The following SCRN3 variants were observed in gnomAD, a reference collection of about 807,000 sequenced individuals.
The protein encoded by SCRN3 is secernin-3.
A neutral mutation model predicts 43.1 loss-of-function variants in SCRN3; 39 were observed. The observed-to-expected ratio is 0.91, with a 90% CI of 0.70 to 1.18. The LOEUF (loss-of-function observed/expected upper bound fraction) is 1.18, where lower values mean the gene tolerates loss of function less well. Among genes scored for constraint, SCRN3 ranks in the 50% most tolerant of loss-of-function variants. The probability of loss-of-function intolerance (pLI) is 0.00; values close to 1 mark genes in which losing one functional copy is unlikely to be tolerated. For synonymous variants in SCRN3, 147 were observed against 163.1 expected, an observed-to-expected ratio of 0.90 and a Z score of 0.75; for missense variants, 484 against 498.0, an observed-to-expected ratio of 0.97 and a Z score of 0.27.
In SCRN3 at chr2:174,424,490, T is replaced by G. The variant is rs555925106; in HGVS notation, c.933T>G (p.Pro311=). 1.6e-5 allele frequency: 25 copies of G among 1,605,510 alleles called. No individual in the cohort carries two copies. The East Asian group carries it at 4.9e-4, about 32-fold the overall frequency. ...TTTTTTCTAGATCTGTTTTTAAGCC[T>G]TTCATATTTGTGCCACATATTTCAC... is the stretch of plus-strand genomic sequence containing the variant. ...TPDPERSVFK[P]FIFVPHISQL... The change falls in exon 7 of 8, where the codon CCT becomes CCG. Residue 311 remains proline, a synonymous_variant. Transcript: ENST00000272732.
intron 5 of SCRN3, among the ~76,000 whole-genome samples, chr2:174,412,033 C>T (rs1168449820): frequency 6.6e-6 from 1 of 152,130 alleles, no homozygotes; most frequent in Non-Finnish European, 1.5e-5. Flanking sequence ...TACTCTGTCT[C>T]TCTCTCTCTG....
chr2:174,415,557 T>C (rs1453441056), intron 5 of SCRN3, among the ~76,000 whole-genome samples: 1 of 152,222 alleles, frequency 6.6e-6, no homozygotes, highest in Non-Finnish European at 1.5e-5. Flanking sequence ...TTTAGATTAC[T>C]GAGTGGCAGA....
At chr2:174,396,070 A>G (rs759029770) in intron 1 of SCRN3, 217 of 1,199,154 alleles carry the variant, frequency 1.8e-4, no homozygotes, top group Non-Finnish European at 2.1e-4. Context: ...TTTCTCATCT[A>G]TGTTATGAAG....
At chr2:174,397,406 T>C (rs1685362707) in intron 1 of SCRN3, 1 of 894,822 alleles carries the variant, frequency 1.1e-6, no homozygotes, top group East Asian at 1.2e-4. Context: ...ACTGAAGAGG[T>C]AATCTAGATA....
In SCRN3 at chr2:174,424,569, A is replaced by C; in HGVS notation, c.1012A>C (p.Lys338Gln). The part of the protein sequence containing the change: ...TFELEDLVKK[K>Q]SHFKPDRRHP... Reference sequence around the variant, plus strand: ...TGAACTTGAAGATCTAGTTAAAAAGAAATCACATTTTAAGCCTGACAGAAG... The same window carrying C: ...TGAACTTGAAGATCTAGTTAAAAAGCAATCACATTTTAAGCCTGACAGAAG... The change falls in exon 7 of 8, where the codon AAA (lysine) becomes CAA (glutamine). Residue 338 changes from lysine (K) to glutamine (Q), a missense_variant. Lys to Gln is a moderately conservative substitution (Grantham distance 53). Coordinates refer to ENST00000272732, the MANE Select transcript of SCRN3 (RefSeq NM_024583.5). 6.2e-7 allele frequency: 1 copy of C among 1,613,438 alleles called. No individual in the cohort carries two copies. The highest frequency in any genetic ancestry group is 1.1e-5 in the South Asian group (1 of 91,056).
intron 6 of SCRN3, among the ~76,000 whole-genome samples, chr2:174,423,702 T>C (rs958976822): frequency 4.6e-5 from 7 of 151,914 alleles, no homozygotes; most frequent in East Asian, 1.9e-4. Flanking sequence ...ATCTCCTGAC[T>C]TTGTGATCCG....
chr2:174,422,330 C>T (rs557572325), intron 5 of SCRN3, among the ~76,000 whole-genome samples: 2 of 152,146 alleles, frequency 1.3e-5, no homozygotes, highest in Non-Finnish European at 2.9e-5. Flanking sequence ...CCCAGCACTT[C>T]GGGAGGCCGA....
rs552933061 is a variant in SCRN3 at position 174,422,229 on chromosome 2, C to T, written c.755-656C>T. Among the ~76,000 whole-genome samples the T allele has an allele frequency of 2.0e-5, 3 of 152,182 alleles. No homozygotes were observed. The South Asian group carries it at 6.2e-4, about 32-fold the overall frequency. ...TTGCTTAAGGCCAGGCATTGGAGAC[C>T]AGCCTGGGCAACATAGCAAGACCCC... On this transcript the variant is annotated intron_variant, in intron 5 of 7. Transcript: ENST00000272732.
chr2:174,398,785 A>C (rs1449968988), intron 2 of SCRN3, among the ~76,000 whole-genome samples: 1 of 152,206 alleles, frequency 6.6e-6, no homozygotes, highest in African/African-American at 2.4e-5. Context: ...ACCCCATTAT[A>C]AAATAGGATG....
intron 5 of SCRN3, among the ~76,000 whole-genome samples, chr2:174,417,747 T>C (rs1412295874): frequency 6.6e-6 from 1 of 152,230 alleles, no homozygotes; most frequent in African/African-American, 2.4e-5. Context: ...ATTTTACAAA[T>C]GAAGAAACCA....
chr2:174,416,658 G>C (rs1462928081), intron 5 of SCRN3, among the ~76,000 whole-genome samples: 1 of 152,162 alleles, frequency 6.6e-6, no homozygotes, highest in Non-Finnish European at 1.5e-5. Flanking sequence ...CTATCTACTT[G>C]AAAGTCAAGA....
At chr2:174,403,804 G>T (rs1685586459) in intron 4 of SCRN3, among the ~76,000 whole-genome samples, 1 of 152,028 alleles carries the variant, frequency 6.6e-6, no homozygotes, top group Non-Finnish European at 1.5e-5. Context: ...TATTCTGGTT[G>T]TGATATTATA....
In SCRN3 at chr2:174,400,078, G is replaced by A. The variant is rs1318781756; in HGVS notation, c.316G>A (p.Ala106Thr). The A allele has an allele frequency of 1.3e-6, 2 of 1,582,998 alleles. No individual in the cohort carries two copies. Among genetic ancestry groups the A allele is most frequent in the Admixed American group, 1.9e-5 (1 of 53,756 alleles). Residue 106 changes from alanine to threonine, a missense_variant, in exon 3 of 8, where the codon GCA becomes ACA. Ala to Thr is a moderately conservative substitution (Grantham distance 58). Coordinates refer to ENST00000272732, the MANE Select transcript of SCRN3 (RefSeq NM_024583.5). ...AAGAGAAGAAGTTTGTGATGAAGAA[G>A]CACTATTAGGAATGGACCTTGTCAG... ...WGREEVCDEE[A>T]LLGMDLVRLG... is the part of the protein sequence containing the mutation.
intron 3 of SCRN3, among the ~76,000 whole-genome samples, chr2:174,400,486 C>G (rs1375896): frequency 0.19 from 29,596 of 151,898 alleles, 3,370 homozygotes; most frequent in Middle Eastern, 0.37. Flanking sequence ...TTTTCAGAGA[C>G]TAGGGTCTTG....
intron 5 of SCRN3, among the ~76,000 whole-genome samples, chr2:174,411,212 G>A (rs1033067500): frequency 1.3e-5 from 2 of 152,058 alleles, no homozygotes; most frequent in African/African-American, 2.4e-5. Flanking sequence ...ACAAACACTG[G>A]TTTGTAACCA....
At chr2:174,397,018 A>G (rs1685344954) in intron 1 of SCRN3, 3 of 938,354 alleles carry the variant, frequency 3.2e-6, no homozygotes, top group Non-Finnish European at 3.8e-6. Context: ...ATAGTCTGCC[A>G]AAGTTATATA....
At chr2:174,419,637 C>A (rs1008597363) in intron 5 of SCRN3, among the ~76,000 whole-genome samples, 2 of 152,078 alleles carry the variant, frequency 1.3e-5, no homozygotes, top group Admixed American at 6.5e-5. Context: ...GATACTCCTG[C>A]CTCAGACTCC....
intron 5 of SCRN3, among the ~76,000 whole-genome samples, chr2:174,404,560 C>T (rs527508267): frequency 7.1e-6 from 1 of 141,128 alleles, no homozygotes; most frequent in Non-Finnish European, 1.5e-5. Context: ...CACCCACTAA[C>T]TCGTCATCTA....
intron 6 of SCRN3, among the ~76,000 whole-genome samples, chr2:174,423,681 G>A (rs998316553): frequency 2.4e-4 from 36 of 151,938 alleles, no homozygotes; most frequent in African/African-American, 8.0e-4. Flanking sequence ...GTGTTAGCCA[G>A]GATGGTCTTG....
Sources: allele counts gnomAD v4.1 joint callset (sites outside exome capture counted in the v4.1 genomes callset), GRCh38; gene constraint gnomAD v4.1.1; transcripts MANE v1.5; gene names NCBI Gene and HGNC (gene_info 2026-07-23, HGNC 2026-07-21).